The following CENPT variants were observed in gnomAD, a reference collection of about 807,000 sequenced individuals.
CENPT encodes interphase centromere complex protein 22.
CENPT carries 42 observed loss-of-function variants against 59.7 expected under a neutral mutation model. The observed-to-expected ratio is 0.70, with a 90% CI of 0.55 to 0.91. The LOEUF is 0.91. Among genes scored for constraint, CENPT ranks in the 40% least tolerant of loss-of-function variants. CENPT has a pLI of 0.00. For missense variants in CENPT, 716 were observed against 713.4 expected (o/e 1.00, Z -0.04); for synonymous variants, 295 against 289.6 (o/e 1.02, Z -0.19).
intron 1 of CENPT, chr16:67,841,880 G>C (rs563906768): frequency 1.3e-5 from 2 of 152,462 alleles, no homozygotes; most frequent in South Asian, 4.1e-4. Context: ...AAAGGGGCTC[G>C]GGGCTGGGGA....
rs949970942 is a variant in CENPT at position 67,842,032 on chromosome 16, C to T, written c.-492+5369G>A. 1 of 152,356 alleles carries T rather than the reference C, an allele frequency of 6.6e-6. No individual in the cohort carries two copies. The highest frequency in any genetic ancestry group is 1.5e-5 in the Non-Finnish European group (1 of 68,126). 9.4% of individuals were successfully genotyped at this position (152,356 alleles called of 1,614,324 possible). A position where few individuals can be genotyped will look rare whatever the true frequency, so the allele number is the denominator to read the frequency against. ...TTTGTAGTCTCCGTGGGCATATACC[C>T]ACCGCGCTTGCGCACCGGTGAGGCG... is the stretch of plus-strand genomic sequence containing the variant. On this transcript the variant is annotated intron_variant, in intron 1 of 15. Coordinates refer to ENST00000562787, the MANE Select transcript of CENPT (RefSeq NM_025082.4). The surrounding 1 kb of genome is among the most constrained non-coding windows in gnomAD (Gnocchi z 4.9).
At chr16:67,830,242 G>T in intron 11 of CENPT, 148 bp downstream of exon 11, 2 of 1,237,914 alleles carry the variant, frequency 1.6e-6, no homozygotes, top group Non-Finnish European at 2.3e-6. Context: ...AAGTCTCCTG[G>T]CCCAACATGG....
rs557485830 is a variant in CENPT at position 67,842,614 on chromosome 16, G to C, written c.-492+4787C>G. On this transcript the variant is annotated intron_variant, in intron 1 of 15. Coordinates refer to ENST00000562787, the MANE Select transcript of CENPT (RefSeq NM_025082.4). The surrounding 1 kb of genome is among the most constrained non-coding windows in gnomAD (Gnocchi z 4.9). ...ACAACAACTCGCACCGGGACAAGGCGCTGCACTTCTACACGTTTCCAAAGG... is the reference window on the plus strand; with the variant it reads ...ACAACAACTCGCACCGGGACAAGGCCCTGCACTTCTACACGTTTCCAAAGG... The C allele has an allele frequency of 8.5e-5, 132 of 1,551,124 alleles. No homozygotes were observed. Among genetic ancestry groups the C allele is most frequent in the Non-Finnish European group, 1.1e-4 (124 of 1,146,932 alleles).
intron 1 of CENPT, among the ~76,000 whole-genome samples, chr16:67,840,853 CT>C (rs936650040): frequency 6.6e-6 from 1 of 151,574 alleles, no homozygotes; most frequent in African/African-American, 2.4e-5. Context: ...ATTTTGTGTT[CT>C]TTAAAACATT....
At chr16:67,837,348 A>C (rs2057739888) in intron 1 of CENPT, among the ~76,000 whole-genome samples, 1 of 151,732 alleles carries the variant, frequency 6.6e-6, no homozygotes, top group Non-Finnish European at 1.5e-5. Context: ...TAATTATTGT[A>C]TTTTACGTAC....
intron 5 of CENPT, 23 bp from the exon 6 acceptor site, chr16:67,832,338 C>A (rs1483789849): frequency 6.2e-7 from 1 of 1,613,236 alleles, no homozygotes; most frequent in Non-Finnish European, 8.5e-7. Flanking sequence ...CACCAAGCAA[C>A]CAGTCTGTCC....
intron 4 of CENPT, among the ~76,000 whole-genome samples, chr16:67,833,018 G>A (rs998749719): frequency 6.6e-6 from 1 of 152,166 alleles, no homozygotes; most frequent in Non-Finnish European, 1.5e-5. Context: ...TTCCCAGGGC[G>A]CAGCTCCTAC....
chr16:67,832,116 A>T lies in CENPT; in HGVS notation c.290-8T>A. 1.2e-6 allele frequency: 2 copies of T among 1,611,090 alleles called. No homozygotes were observed. Among genetic ancestry groups the T allele is most frequent in the Non-Finnish European group, 1.7e-6 (2 of 1,177,764 alleles). Reference sequence around the variant, plus strand: ...GGATGGAAGATTCTGGGGCTGCAGAAACACCAAGGAGAGGGTGGGGCTGAC... The same window carrying T: ...GGATGGAAGATTCTGGGGCTGCAGATACACCAAGGAGAGGGTGGGGCTGAC... On this transcript the variant is annotated splice_polypyrimidine_tract_variant and splice_region_variant and intron_variant, in intron 6 of 15. Transcript: ENST00000562787.
rs1281459348 is a variant in CENPT, at chr16:67,843,802, A to G, written c.-492+3599T>C. On this transcript the variant is annotated intron_variant, in intron 1 of 15. Coordinates refer to ENST00000562787, the MANE Select transcript of CENPT (RefSeq NM_025082.4). The surrounding 1 kb of genome is among the most constrained non-coding windows in gnomAD (Gnocchi z 5.7). ...CCACTGAACTTGAAACTTACCCTCT[A>G]GGGATGCAGGTGGGATGTCCAGGGA... 1 of 354,932 alleles carries G rather than the reference A, an allele frequency of 2.8e-6. No individual in the cohort carries two copies. Among genetic ancestry groups the G allele is most frequent in the Non-Finnish European group, 5.4e-6 (1 of 184,116 alleles). 22.0% of individuals were successfully genotyped at this position (354,932 alleles called of 1,614,324 possible).
chr16:67,843,509 C>A lies in CENPT; in HGVS notation c.-492+3892G>T. 1 of 1,597,218 alleles carries A rather than the reference C, an allele frequency of 6.3e-7. No homozygotes were observed. Among genetic ancestry groups the A allele is most frequent in the Non-Finnish European group, 8.5e-7 (1 of 1,171,044 alleles). On this transcript the variant is annotated intron_variant, in intron 1 of 15. Coordinates refer to ENST00000562787, the MANE Select transcript of CENPT (RefSeq NM_025082.4). This position sits in a 1 kb window ranked among gnomAD's most constrained non-coding sequence, Gnocchi z 5.7. ...GAAGCACGGAATGTGAACTGGTGCC[C>A]CGGCAGCCTGCTGGACTCCCAGACC...
chr16:67,842,862 G>GGCAGCGGCAGCA lies in CENPT; in HGVS notation c.-492+4538_-492+4539insTGCTGCCGCTGC, dbSNP rs2057771593. ...GCTGGGGCCGCGGCCGCCCGCCGCA[G>GGCAGCGGCAGCA]GCAGCAGCAGCAACAGCAGCAGCAG... is the stretch of plus-strand genomic sequence containing the variant. On this transcript the variant is annotated intron_variant, in intron 1 of 15. Coordinates refer to ENST00000562787, the MANE Select transcript of CENPT (RefSeq NM_025082.4). This position sits in a 1 kb window ranked among gnomAD's most constrained non-coding sequence, Gnocchi z 4.9. 1 of 1,607,784 alleles carries GGCAGCGGCAGCA rather than the reference G, an allele frequency of 6.2e-7. No homozygotes were observed. Among genetic ancestry groups the GGCAGCGGCAGCA allele is most frequent in the African/African-American group, 1.3e-5 (1 of 74,474 alleles).
At chr16:67,847,377 C>G (rs1047053865) in intron 1 of CENPT, 24 bp downstream of exon 1, 1 of 152,446 alleles carries the variant, frequency 6.6e-6, no homozygotes, top group African/African-American at 2.4e-5. Context: ...CGGGCAGACC[C>G]CAGCCCCACG....
chr16:67,840,260 G>A (rs1341462559), intron 1 of CENPT, among the ~76,000 whole-genome samples: 5 of 152,268 alleles, frequency 3.3e-5, no homozygotes, highest in Non-Finnish European at 5.9e-5. Context: ...AGAGCTTGCA[G>A]TGAGCTGAGA....
Position 67,843,386 on chromosome 16 carries a change from A to G in CENPT, c.-492+4015T>C. ...TCTGATGGAAGTGAAGATGAAAGAG[A>G]TGAAAGGCAGCATTCGCCACCTGCG... On this transcript the variant is annotated intron_variant, in intron 1 of 15. Coordinates refer to ENST00000562787, the MANE Select transcript of CENPT (RefSeq NM_025082.4). This position sits in a 1 kb window ranked among gnomAD's most constrained non-coding sequence, Gnocchi z 5.7. The G allele has an allele frequency of 6.2e-7, 1 of 1,613,986 alleles. No homozygotes were observed. Among genetic ancestry groups the G allele is most frequent in the Non-Finnish European group, 8.5e-7 (1 of 1,180,040 alleles).
At position 67,843,209 on chromosome 16, in the gene CENPT, G is replaced by A. The variant is rs766427241; in HGVS notation, c.-492+4192C>T. The stretch of plus-strand genomic sequence containing the variant: ...GTTACAGGCTGCTACCGCAGGGCTG[G>A]AGGCTGCCGAGTGCCCTATGGGCCC... On this transcript the variant is annotated intron_variant, in intron 1 of 15. Transcript: ENST00000562787. The surrounding 1 kb of genome is among the most constrained non-coding windows in gnomAD (Gnocchi z 5.7). 6.0e-5 allele frequency: 97 copies of A among 1,611,652 alleles called. No individual in the cohort carries two copies. Among genetic ancestry groups the A allele is most frequent in the Non-Finnish European group, 7.6e-5 (90 of 1,179,714 alleles).
At chr16:67,834,918 C>T (rs1016428398) in intron 3 of CENPT, among the ~76,000 whole-genome samples, 11 of 152,028 alleles carry the variant, frequency 7.2e-5, no homozygotes, top group Admixed American at 3.9e-4. Context: ...CTCGGCTCAC[C>T]GCAACCTCCA....
rs567140292 is a variant in CENPT at position 67,838,514 on chromosome 16, C to T, written c.-491-2856G>A. Among the ~76,000 whole-genome samples the T allele has an allele frequency of 6.6e-5, 10 of 151,142 alleles. No individual in the cohort carries two copies. In the South Asian group the frequency reaches 1.7e-3, roughly 25 times the overall value. ...GTTCATGCCTGTAGTCCCAGCTACT[C>T]GGGAGGCTGAGGCAGGAGAATGGCT... On this transcript the variant is annotated intron_variant, in intron 1 of 15. Coordinates refer to ENST00000562787, the MANE Select transcript of CENPT (RefSeq NM_025082.4).
intron 1 of CENPT, among the ~76,000 whole-genome samples, chr16:67,845,382 G>A (rs11866455): frequency 0.013 from 2,033 of 152,268 alleles, 45 homozygotes; most frequent in African/African-American, 0.046. Flanking sequence ...ACTGAGTTGG[G>A]AAAGTGGTGG....
At chr16:67,838,684 T>G (rs1294167029) in intron 1 of CENPT, among the ~76,000 whole-genome samples, 1 of 151,654 alleles carries the variant, frequency 6.6e-6, no homozygotes, top group Admixed American at 6.6e-5. Context: ...TTCCAGCACT[T>G]TGGGAGGCTG....
Sources: gnomAD v4.1 joint callset for allele counts (sites outside exome capture counted in the v4.1 genomes callset) on GRCh38, gnomAD v4.1.1 for gene constraint, Gnocchi (gnomAD v3.1) non-coding constraint, MANE v1.5 for transcripts, NCBI Gene and HGNC (gene_info 2026-07-23, HGNC 2026-07-21) for gene names.